BEAN1: variants seen among roughly 807,000 people sequenced by gnomAD.
BEAN1 encodes the protein brain expressed associated with NEDD4 1.
In BEAN1, 17 loss-of-function variants were observed where a neutral mutation model predicts 17.7. The observed-to-expected ratio is 0.96, with a 90% CI of 0.66 to 1.44. The LOEUF (loss-of-function observed/expected upper bound fraction) is 1.44. BEAN1 is among the 40% of genes most tolerant of loss of function. The probability of loss-of-function intolerance (pLI) is 0.00; values close to 1 mark genes in which losing one functional copy is unlikely to be tolerated. For synonymous variants in BEAN1, 142 were observed against 151.8 expected, an observed-to-expected ratio of 0.94 and a Z score of 0.47; for missense variants, 359 against 374.1, an observed-to-expected ratio of 0.96 and a Z score of 0.33.
At chr16:66,487,289 G>A (rs914834803), downstream of BEAN1, among the ~76,000 whole-genome samples, 62 of 152,160 alleles carry the variant, frequency 4.1e-4, 1 homozygote, top group African/African-American at 1.4e-3. Flanking sequence ...TAGGACAATC[G>A]CACCATGGGC....
intron 2 of BEAN1, among the ~76,000 whole-genome samples, chr16:66,443,951 C>A (rs1962350873): frequency 6.6e-6 from 1 of 152,216 alleles, no homozygotes; most frequent in African/African-American, 2.4e-5. Flanking sequence ...GCTGGGATTA[C>A]AGGCATGAGC....
chr16:66,432,410 G>A (rs1961841625), intron 1 of BEAN1, among the ~76,000 whole-genome samples: 1 of 152,200 alleles, frequency 6.6e-6, no homozygotes, highest in Admixed American at 6.5e-5. Flanking sequence ...CTTCACAAGT[G>A]AGCCCCTGCC....
chr16:66,454,454 T>C (rs1216872582), intron 2 of BEAN1, among the ~76,000 whole-genome samples: 3 of 152,212 alleles, frequency 2.0e-5, no homozygotes, highest in Admixed American at 6.5e-5. Flanking sequence ...ATCTTCCTAA[T>C]ATGTTGACTT....
intron 1 of BEAN1, among the ~76,000 whole-genome samples, chr16:66,436,096 T>G (rs991476938): frequency 5.9e-5 from 9 of 152,164 alleles, no homozygotes; most frequent in African/African-American, 1.9e-4. Flanking sequence ...TCATGATCTC[T>G]GCTCACCAAT....
rs1260355043 is a variant in BEAN1, at chr16:66,477,651, C to T, written c.381C>T (p.Ser127=). ...ACTGGCCCCCACCCTTGGACATCAG[C>T]TCTGACGGGGACGTGGATGCCACGG... ...SEDWPPPLDI[S]SDGDVDATVL... The change falls in exon 4 of 5, where the codon AGC becomes AGT. Residue 127 remains serine (S), a synonymous_variant. Coordinates refer to ENST00000536005, the MANE Select transcript of BEAN1 (RefSeq NM_001178020.3). The T allele has an allele frequency of 3.9e-6, 6 of 1,550,822 alleles. No individual in the cohort carries two copies. The highest frequency in any genetic ancestry group is 2.7e-5 in the African/African-American group (2 of 73,026).
At chr16:66,452,270 T>C (rs1962699849) in intron 2 of BEAN1, among the ~76,000 whole-genome samples, 1 of 152,232 alleles carries the variant, frequency 6.6e-6, no homozygotes, top group Non-Finnish European at 1.5e-5. Flanking sequence ...AAATCATCCT[T>C]GCATTTCTGG....
At chr16:66,439,522 C>T (rs1596983163) in intron 2 of BEAN1, among the ~76,000 whole-genome samples, 1 of 152,168 alleles carries the variant, frequency 6.6e-6, no homozygotes, top group African/African-American at 2.4e-5. Flanking sequence ...GGCTGAACCC[C>T]AGGCCATTGG....
intron 4 of BEAN1, among the ~76,000 whole-genome samples, chr16:66,492,196 C>G (rs140309022): frequency 2.6e-5 from 4 of 152,016 alleles, no homozygotes; most frequent in African/African-American, 9.7e-5. Flanking sequence ...TGTCCACCAA[C>G]ACACCTGGCT....
At chr16:66,469,354 C>T (rs909684712) in intron 2 of BEAN1, among the ~76,000 whole-genome samples, 1 of 152,196 alleles carries the variant, frequency 6.6e-6, no homozygotes, top group African/African-American at 2.4e-5. Flanking sequence ...GGTAGTTCAG[C>T]TTGTGGGCAG....
At position 66,471,618 on chromosome 16, in the gene BEAN1, G is replaced by A. The variant is rs1963486829; in HGVS notation, c.289+1753G>A. Among the ~76,000 whole-genome samples, 1 of 152,238 alleles carries A rather than the reference G, an allele frequency of 6.6e-6. No individual in the cohort carries two copies. Among genetic ancestry groups the A allele is most frequent in the Non-Finnish European group, 1.5e-5 (1 of 68,040 alleles). ...CTGGACCTTGTGTAAGACACAGAGG[G>A]ACATCCCGGGATGAGTCGGACAAGT... On this transcript the variant is annotated intron_variant, in intron 3 of 4. Coordinates refer to ENST00000536005, the MANE Select transcript of BEAN1 (RefSeq NM_001178020.3). This position sits in a 1 kb window ranked among gnomAD's most constrained non-coding sequence, Gnocchi z 4.7.
At chr16:66,466,215 A>G (rs892054793) in intron 2 of BEAN1, among the ~76,000 whole-genome samples, 14 of 152,208 alleles carry the variant, frequency 9.2e-5, no homozygotes, top group African/African-American at 2.9e-4. Flanking sequence ...GAATCACTTG[A>G]ACCTGGGAGG....
At chr16:66,478,581 G>A (rs368020548) in intron 4 of BEAN1, among the ~76,000 whole-genome samples, 1 of 152,166 alleles carries the variant, frequency 6.6e-6, no homozygotes. Flanking sequence ...CAGCCTTAGC[G>A]ACAGAGTGAG....
rs1313521272 is a variant in BEAN1, at chr16:66,427,574, G to C, written c.-83+143G>C. The C allele has an allele frequency of 2.6e-5, 4 of 152,066 alleles. No homozygotes were observed. Among genetic ancestry groups the C allele is most frequent in the Admixed American group, 1.3e-4 (2 of 15,274 alleles). The allele number at this position is 152,066 out of a possible 1,614,324, so 9.4% of individuals were successfully genotyped here. On this transcript the variant is annotated intron_variant, in intron 1 of 4. Transcript: ENST00000536005. The surrounding 1 kb of genome is among the most constrained non-coding windows in gnomAD (Gnocchi z 4.7). ...GCCTCGGTGCGCGGGGCGGGCGGAT[G>C]CGCGGTCCGGAACGGAACCGCAGCG...
intron 4 of BEAN1, among the ~76,000 whole-genome samples, chr16:66,488,546 T>C (rs1344690578): frequency 6.7e-6 from 1 of 148,602 alleles, no homozygotes; most frequent in African/African-American, 2.5e-5. Flanking sequence ...AAAAACTGTT[T>C]TAATTAGCCA....
In BEAN1 at chr16:66,450,219, A is replaced by C. The variant is rs149120791; in HGVS notation, c.25+12518A>C. ...AGCCCCAGCTCTACACGATTGTCTT[A>C]TTACGAGAGCCGTGGGGATGGCAAG... On this transcript the variant is annotated intron_variant, in intron 2 of 4. Transcript: ENST00000536005. Among the ~76,000 whole-genome samples, 116 of 152,354 alleles carry C rather than the reference A, an allele frequency of 7.6e-4. 1 individual carries two copies. Among genetic ancestry groups the C allele is most frequent in the African/African-American group, 2.6e-3 (109 of 41,590 alleles).
rs1014944966 is a variant in BEAN1 at position 66,469,658 on chromosome 16, C to A, written c.82C>A (p.His28Asn). ...CCCCACATTCTCAGAGAGCTCGGAGCACAGCCATCTGCTCGTGTCCCCCGT... is the reference window on the plus strand; with the variant it reads ...CCCCACATTCTCAGAGAGCTCGGAGAACAGCCATCTGCTCGTGTCCCCCGT... ...FYPTFSESSE[H>N]SHLLVSPVLV... Residue 28 changes from histidine (H) to asparagine (N), a missense_variant, in exon 3 of 5, where the codon CAC becomes AAC. Coordinates refer to ENST00000536005, the MANE Select transcript of BEAN1 (RefSeq NM_001178020.3). 2.0e-6 allele frequency: 3 copies of A among 1,535,852 alleles called. No homozygotes were observed. The highest frequency in any genetic ancestry group is 2.6e-6 in the Non-Finnish European group (3 of 1,146,760).
chr16:66,432,174 C>A (rs946706185), intron 1 of BEAN1, among the ~76,000 whole-genome samples: 2 of 152,190 alleles, frequency 1.3e-5, no homozygotes, highest in African/African-American at 4.8e-5. Context: ...TTCTGCCCAC[C>A]TCTGCCCACC....
At chr16:66,451,928 C>A (rs968765553) in intron 2 of BEAN1, among the ~76,000 whole-genome samples, 1 of 152,202 alleles carries the variant, frequency 6.6e-6, no homozygotes, top group Non-Finnish European at 1.5e-5. Context: ...AGCTGCTTAC[C>A]TTCTCAGGAT....
intron 3 of BEAN1, chr16:66,470,170 C>CGATA (rs1555520550): frequency 2.3e-5 from 8 of 345,012 alleles, no homozygotes; most frequent in African/African-American, 1.8e-4. Context: ...TCTGGTGTCT[C>CGATA]GATGGATGGA....
Sources: gnomAD v4.1 joint callset for allele counts (sites outside exome capture counted in the v4.1 genomes callset) on GRCh38, gnomAD v4.1.1 for gene constraint, Gnocchi (gnomAD v3.1) non-coding constraint, MANE v1.5 for transcripts, NCBI Gene and HGNC (gene_info 2026-07-23, HGNC 2026-07-21) for gene names.